The following RELB variants were observed in gnomAD, a reference collection of about 807,000 sequenced individuals.
The protein encoded by RELB is transcription factor RelB.
Under a neutral mutation model 55.4 loss-of-function variants are expected in RELB, and 14 were observed. The ratio of observed to expected loss-of-function variants is 0.25; its 90% CI spans 0.17 to 0.40. The LOEUF (loss-of-function observed/expected upper bound fraction) is 0.40, where lower values mean the gene tolerates loss of function less well. Ranked by LOEUF, RELB falls within the 10% of genes least tolerant of loss-of-function variation. The pLI, the probability that RELB is intolerant of heterozygous loss-of-function variation, is 1.00. For synonymous variants in RELB, 409 were observed against 371.3 expected, an observed-to-expected ratio of 1.10 and a Z score of -1.17; for missense variants, 669 against 830.7, an observed-to-expected ratio of 0.81 and a Z score of 2.39.
intron 4 of RELB, among the ~76,000 whole-genome samples, chr19:45,015,025 C>A (rs1443674200): frequency 6.6e-6 from 1 of 151,916 alleles, no homozygotes; most frequent in Non-Finnish European, 1.5e-5. Flanking sequence ...GTCTTAGCCT[C>A]CCAAGTAGCT....
intron 5 of RELB, among the ~76,000 whole-genome samples, chr19:45,023,268 GGTGAGAGCACC>G (rs370786210): frequency 2.0e-5 from 3 of 152,122 alleles, no homozygotes; most frequent in Non-Finnish European, 4.4e-5. Context: ...ATCAGTAATG[GGTGAGAGCACC>G]TGATTCTCCA....
In RELB at chr19:45,026,475, C is replaced by T. The variant is rs1489307952; in HGVS notation, c.886+738C>T. Among the ~76,000 whole-genome samples the T allele has an allele frequency of 3.3e-5, 5 of 151,632 alleles. 1 individual carries two copies. Among genetic ancestry groups the T allele is most frequent in the Non-Finnish European group, 7.4e-5 (5 of 67,950 alleles). ...TCTGTAATCCCTGCTACCTGGGAGG[C>T]GGAGGTTGCAGTGAGCTGAGATTGC... On this transcript the variant is annotated intron_variant, in intron 7 of 11. Transcript: ENST00000221452.
chr19:45,005,936 T>C (rs139028636), intron 2 of RELB, among the ~76,000 whole-genome samples: 80 of 152,296 alleles, frequency 5.3e-4, no homozygotes, highest in Admixed American at 2.0e-3. Context: ...AAGACCTAGA[T>C]CTTTGGTTTC....
intron 4 of RELB, among the ~76,000 whole-genome samples, chr19:45,020,643 C>G (rs186574501): frequency 6.7e-6 from 1 of 149,886 alleles, no homozygotes; most frequent in Non-Finnish European, 1.5e-5. Flanking sequence ...CTGCAAGCTC[C>G]GCCTCCCGGG....
At chr19:45,031,509 G>A (rs1038451683) in intron 8 of RELB, among the ~76,000 whole-genome samples, 1 of 152,152 alleles carries the variant, frequency 6.6e-6, no homozygotes, top group Non-Finnish European at 1.5e-5. Flanking sequence ...ATGCTGTCTT[G>A]TGAGTCCTCT....
At chr19:45,034,579 A>C (rs2122495633) in intron 11 of RELB, 51 bp downstream of exon 11, 1 of 1,505,666 alleles carries the variant, frequency 6.6e-7, no homozygotes, top group South Asian at 1.2e-5. Flanking sequence ...GCAGAGGGTA[A>C]GTGGCAGCCC....
chr19:45,034,386 C>T, intron 10 of RELB, 65 bp from the exon 11 acceptor site: 1 of 1,604,214 alleles, frequency 6.2e-7, no homozygotes, highest in East Asian at 2.2e-5. Context: ...ACTGCCCTGT[C>T]CCACCCCAGG....
At chr19:45,034,396 G>A in intron 10 of RELB, 55 bp from the exon 11 acceptor site, 1 of 1,605,122 alleles carries the variant, frequency 6.2e-7, no homozygotes, top group South Asian at 1.1e-5. Context: ...CCCACCCCAG[G>A]CTGGGGAGGA....
chr19:45,013,051 A>G (rs975885069), intron 4 of RELB, among the ~76,000 whole-genome samples: 10 of 149,804 alleles, frequency 6.7e-5, no homozygotes, highest in African/African-American at 2.5e-4. Flanking sequence ...CCCTGCCTCC[A>G]TTAAAAAACA....
At chr19:45,027,355 G>A (rs1428640686) in intron 7 of RELB, among the ~76,000 whole-genome samples, 2 of 152,182 alleles carry the variant, frequency 1.3e-5, no homozygotes, top group Non-Finnish European at 2.9e-5. Flanking sequence ...AGGTCTGGCT[G>A]CATCCAGGGC....
chr19:45,015,260 C>A (rs747924909), intron 4 of RELB, among the ~76,000 whole-genome samples: 1 of 152,180 alleles, frequency 6.6e-6, no homozygotes, highest in Non-Finnish European at 1.5e-5. Context: ...AAAAGAGGGG[C>A]AGTTACCTGC....
rs35015705 is a variant in RELB at position 45,034,943 on chromosome 19, C to T, written c.1354+415C>T. Among the ~76,000 whole-genome samples the T allele has an allele frequency of 8.1e-3, 1,228 of 151,610 alleles. 16 individuals are homozygous for T. Among genetic ancestry groups the T allele is most frequent in the African/African-American group, 0.028 (1,165 of 41,326 alleles). ...GCAACTTCTGCCTCCTGAGTTCAAG[C>T]GATTCTCCTGCTTCAGGCTCCCAAG... is the stretch of plus-strand genomic sequence containing the variant. On this transcript the variant is annotated intron_variant, in intron 11 of 11. Transcript: ENST00000221452.
intron 1 of RELB, among the ~76,000 whole-genome samples, chr19:45,002,268 G>A (rs965791498): frequency 6.6e-6 from 1 of 152,148 alleles, no homozygotes; most frequent in African/African-American, 2.4e-5. Flanking sequence ...GGTGGGGCTT[G>A]CCTCCAGACG....
Position 45,031,599 on chromosome 19 carries a change from G to A in RELB, c.992-935G>A, listed in dbSNP as rs977163885. ...ATTCTTTTGTTTGTTTGTTTGAGGCGGAGTCTTGCTCTGTCCCCCAGGCTG... is the reference window on the plus strand; with the variant it reads ...ATTCTTTTGTTTGTTTGTTTGAGGCAGAGTCTTGCTCTGTCCCCCAGGCTG... On this transcript the variant is annotated intron_variant, in intron 8 of 11. Transcript: ENST00000221452. 7.2e-4 allele frequency among the ~76,000 whole-genome samples: 110 copies of A among 151,924 alleles called. 1 individual carries two copies. The highest frequency in any genetic ancestry group is 2.1e-3 in the African/African-American group (86 of 41,392).
At chr19:45,015,596 G>A (rs764689666) in intron 4 of RELB, among the ~76,000 whole-genome samples, 72 of 151,968 alleles carry the variant, frequency 4.7e-4, no homozygotes, top group African/African-American at 1.5e-3. Context: ...TTAGCCAGGC[G>A]TGGTGGCATG....
chr19:45,036,228 A>G (rs1971684683), intron 11 of RELB, among the ~76,000 whole-genome samples: 1 of 152,094 alleles, frequency 6.6e-6, no homozygotes, highest in Non-Finnish European at 1.5e-5. Context: ...GCCCACCACC[A>G]TGCCCTGCTA....
rs1295608391 is a variant in RELB at position 45,031,577 on chromosome 19, C to A, written c.992-957C>A. On this transcript the variant is annotated intron_variant, in intron 8 of 11. Coordinates refer to ENST00000221452, the MANE Select transcript of RELB (RefSeq NM_006509.4). ...CCTGGACATGAGGGGGATATTAATT[C>A]TTTTGTTTGTTTGTTTGAGGCGGAG... is the stretch of plus-strand genomic sequence containing the variant. 3.3e-5 allele frequency among the ~76,000 whole-genome samples: 5 copies of A among 152,152 alleles called. No homozygotes were observed. In the East Asian group the frequency reaches 9.7e-4, roughly 29 times the overall value.
At chr19:45,032,462 G>C (rs1196492149) in intron 8 of RELB, 72 bp from the exon 9 acceptor site, 15 of 1,271,500 alleles carry the variant, frequency 1.2e-5, no homozygotes, top group Non-Finnish European at 1.7e-5. Context: ...TGATTTTAGG[G>C]GAGGCTGGGC....
At chr19:45,027,048 C>G (rs1484820966) in intron 7 of RELB, among the ~76,000 whole-genome samples, 1 of 151,736 alleles carries the variant, frequency 6.6e-6, no homozygotes, top group Non-Finnish European at 1.5e-5. Context: ...GCTAACATGG[C>G]GAAACCCCGT....
Sources: allele counts gnomAD v4.1 joint callset (sites outside exome capture counted in the v4.1 genomes callset), GRCh38; gene constraint gnomAD v4.1.1; transcripts MANE v1.5; gene names NCBI Gene and HGNC (gene_info 2026-07-23, HGNC 2026-07-21).